Variants in TMEM163 observed in about 807,000 individuals in gnomAD.
TMEM163 encodes the protein transmembrane protein 163.
Under a neutral mutation model 29.3 loss-of-function variants are expected in TMEM163, and 17 were observed. The ratio of observed to expected loss-of-function variants is 0.58; its 90% CI spans 0.40 to 0.87. TMEM163 has a LOEUF of 0.87. Ranked by LOEUF, TMEM163 falls within the 40% of genes least tolerant of loss-of-function variation. TMEM163 has a pLI of 0.00. For synonymous variants in TMEM163, 157 were observed against 160.6 expected, an observed-to-expected ratio of 0.98 and a Z score of 0.17; for missense variants, 303 against 381.5, an observed-to-expected ratio of 0.79 and a Z score of 1.71.
At chr2:134,649,997 C>A (rs1447404012) in intron 2 of TMEM163, among the ~76,000 whole-genome samples, 2 of 125,240 alleles carry the variant, frequency 1.6e-5, no homozygotes, top group East Asian at 4.2e-4. Context: ...AGAGTGAGAC[C>A]CTGTCTTAAA....
In TMEM163 at chr2:134,550,311, C is replaced by T. The variant is rs148622361; in HGVS notation, c.458+259G>A. Among the ~76,000 whole-genome samples, 38 of 152,220 alleles carry T rather than the reference C, an allele frequency of 2.5e-4. No homozygotes were observed. The South Asian group carries it at 3.3e-3, about 13-fold the overall frequency. On this transcript the variant is annotated intron_variant, in intron 4 of 7. Coordinates refer to ENST00000281924, the MANE Select transcript of TMEM163 (RefSeq NM_030923.5). ...AAAAGCAACAGGATGGATGGATGAG[C>T]GGATGGATAGACCAGCAAACACATA... is the stretch of plus-strand genomic sequence containing the variant.
chr2:134,683,716 C>A (rs1243858886), intron 2 of TMEM163, among the ~76,000 whole-genome samples: 1 of 152,142 alleles, frequency 6.6e-6, no homozygotes, highest in Non-Finnish European at 1.5e-5. Flanking sequence ...TTAGTAGACG[C>A]TGGGAGGGAA....
chr2:134,486,232 T>C (rs1440992846), intron 5 of TMEM163, among the ~76,000 whole-genome samples: 1 of 152,180 alleles, frequency 6.6e-6, no homozygotes, highest in African/African-American at 2.4e-5. Context: ...AAGAATTAAG[T>C]GCCAACTGCT....
chr2:134,584,874 A>G (rs1239509320), intron 2 of TMEM163, among the ~76,000 whole-genome samples: 1 of 152,152 alleles, frequency 6.6e-6, no homozygotes, highest in African/African-American at 2.4e-5. Context: ...AGGCTCACCA[A>G]AGGCAATGAC....
chr2:134,507,911 G>A (rs1257325843), intron 4 of TMEM163, among the ~76,000 whole-genome samples: 3 of 152,072 alleles, frequency 2.0e-5, no homozygotes, highest in East Asian at 3.8e-4. Flanking sequence ...TGTCTGAAAG[G>A]AAGCAATGGT....
intron 4 of TMEM163, among the ~76,000 whole-genome samples, chr2:134,512,885 C>G (rs6430520): frequency 6.6e-6 from 1 of 152,010 alleles, no homozygotes; most frequent in Non-Finnish European, 1.5e-5. Flanking sequence ...GGGAGAGCAG[C>G]GTGCAGGCTG....
intron 2 of TMEM163, among the ~76,000 whole-genome samples, chr2:134,656,587 C>A (rs1683623238): frequency 6.6e-6 from 1 of 152,174 alleles, no homozygotes; most frequent in African/African-American, 2.4e-5. Context: ...CCTTCTATTT[C>A]TTTCTCTTGA....
chr2:134,553,561 GAGTGAA>G (rs1680978005), intron 2 of TMEM163, among the ~76,000 whole-genome samples: 1 of 152,242 alleles, frequency 6.6e-6, no homozygotes, highest in Non-Finnish European at 1.5e-5. Flanking sequence ...GCGCTGGGGA[GAGTGAA>G]CCACTGGTGT....
chr2:134,683,714 C>T (rs948107601), intron 2 of TMEM163, among the ~76,000 whole-genome samples: 12 of 152,068 alleles, frequency 7.9e-5, no homozygotes, highest in African/African-American at 1.7e-4. Flanking sequence ...GTTTAGTAGA[C>T]GCTGGGAGGG....
intron 2 of TMEM163, among the ~76,000 whole-genome samples, chr2:134,694,818 A>G (rs1409362232): frequency 6.6e-6 from 1 of 152,238 alleles, no homozygotes; most frequent in Non-Finnish European, 1.5e-5. Context: ...ACAAAGATCA[A>G]CTGACATCTA....
At chr2:134,676,129 A>T (rs985012305) in intron 2 of TMEM163, among the ~76,000 whole-genome samples, 1 of 152,158 alleles carries the variant, frequency 6.6e-6, no homozygotes, top group African/African-American at 2.4e-5. Flanking sequence ...TGGGAGGAAA[A>T]AAGGCCCCGA....
intron 2 of TMEM163, among the ~76,000 whole-genome samples, chr2:134,682,512 A>G (rs1182018129): frequency 6.6e-6 from 1 of 152,236 alleles, no homozygotes; most frequent in African/African-American, 2.4e-5. Context: ...CCAAGTCTAC[A>G]GCACCACAGG....
At chr2:134,691,345 A>G (rs1205732984) in intron 2 of TMEM163, among the ~76,000 whole-genome samples, 1 of 152,166 alleles carries the variant, frequency 6.6e-6, no homozygotes, top group Non-Finnish European at 1.5e-5. Context: ...GAGTCTGCCT[A>G]GCGTAGGCAC....
At chr2:134,494,125 C>T (rs533977232) in intron 5 of TMEM163, among the ~76,000 whole-genome samples, 75 of 152,246 alleles carry the variant, frequency 4.9e-4, no homozygotes, top group Non-Finnish European at 7.9e-4. Context: ...CTCTCCCTTC[C>T]GTCTGTTAAT....
chr2:134,510,150 G>T (rs959597994), intron 4 of TMEM163, among the ~76,000 whole-genome samples: 8 of 152,088 alleles, frequency 5.3e-5, no homozygotes, highest in Non-Finnish European at 8.8e-5. Context: ...AAAACCTGTT[G>T]TATTTAATAG....
rs972448846 is a variant in TMEM163, at chr2:134,577,894, A to G, written c.323-25803T>C. Among the ~76,000 whole-genome samples the G allele has an allele frequency of 4.6e-5, 7 of 152,330 alleles. No individual in the cohort carries two copies. The South Asian group carries it at 1.2e-3, about 27-fold the overall frequency. On this transcript the variant is annotated intron_variant, in intron 2 of 7. Transcript: ENST00000281924. ...ACATAGCATTCACGTTGTATTAGGT[A>G]TTGTAAGTACATCTAGAGGTGATTT...
chr2:134,485,425 G>A (rs1679285322), intron 5 of TMEM163, among the ~76,000 whole-genome samples: 1 of 152,178 alleles, frequency 6.6e-6, no homozygotes, highest in Admixed American at 6.5e-5. Flanking sequence ...ATCGTAAGTT[G>A]GGGACCATAA....
chr2:134,527,808 G>A (rs184180790), intron 4 of TMEM163, among the ~76,000 whole-genome samples: 9 of 152,284 alleles, frequency 5.9e-5, no homozygotes, highest in Admixed American at 5.2e-4. Flanking sequence ...AGGAACATAC[G>A]AAAATAATTA....
intron 2 of TMEM163, among the ~76,000 whole-genome samples, chr2:134,663,203 T>C (rs1683796498): frequency 6.6e-6 from 1 of 152,242 alleles, no homozygotes; most frequent in African/African-American, 2.4e-5. Flanking sequence ...TCCCTTCCTA[T>C]AGGAATAAGC....
Sources: allele counts gnomAD v4.1 joint callset (sites outside exome capture counted in the v4.1 genomes callset), GRCh38; gene constraint gnomAD v4.1.1; transcripts MANE v1.5; gene names NCBI Gene and HGNC (gene_info 2026-07-23, HGNC 2026-07-21).